The following DNM1L variants were observed in gnomAD, a reference collection of about 807,000 sequenced individuals.
DNM1L encodes the protein dynamin-1-like protein.
DNM1L carries 33 observed loss-of-function variants against 92.8 expected under a neutral mutation model. That is an observed-to-expected ratio of 0.36 (90% CI 0.27 to 0.48). The LOEUF (loss-of-function observed/expected upper bound fraction) is 0.48, where lower values mean the gene tolerates loss of function less well. Ranked by LOEUF, DNM1L falls within the 20% of genes least tolerant of loss-of-function variation. The pLI is 0.99. For missense variants in DNM1L, 485 were observed against 888.8 expected (o/e 0.55, Z 5.78); for synonymous variants, 284 against 305.0 (o/e 0.93, Z 0.72).
chr12:32,718,025 T>C (rs1592626681), intron 6 of DNM1L, among the ~76,000 whole-genome samples: 1 of 126,914 alleles, frequency 7.9e-6, no homozygotes, highest in South Asian at 2.3e-4. Context: ...ATATATATTA[T>C]AAATATATAC....
chr12:32,686,531 T>C (rs932208959), intron 1 of DNM1L, among the ~76,000 whole-genome samples: 2 of 152,248 alleles, frequency 1.3e-5, no homozygotes, highest in Admixed American at 6.5e-5. Context: ...CACATTGGTT[T>C]ATTCAATCAC....
At chr12:32,732,752 G>A (rs1954633189) in intron 12 of DNM1L, 1 of 341,294 alleles carries the variant, frequency 2.9e-6, no homozygotes. Context: ...GTGCTGTTCT[G>A]ATACCTGAGA....
At chr12:32,733,202 TATA>T (rs1429909870) in intron 12 of DNM1L, among the ~76,000 whole-genome samples, 1 of 152,252 alleles carries the variant, frequency 6.6e-6, no homozygotes, top group Non-Finnish European at 1.5e-5. Context: ...TTGAACTACA[TATA>T]ATATTTTAAC....
intron 16 of DNM1L, among the ~76,000 whole-genome samples, chr12:32,738,699 A>G (rs189747248): frequency 6.6e-6 from 1 of 152,248 alleles, no homozygotes; most frequent in East Asian, 1.9e-4. Flanking sequence ...ATATAGCTTC[A>G]CATATGCTTC....
chr12:32,703,122 C>T (rs1952781099), intron 2 of DNM1L, among the ~76,000 whole-genome samples: 1 of 150,946 alleles, frequency 6.6e-6, no homozygotes, highest in African/African-American at 2.4e-5. Context: ...TATCCTGTCT[C>T]TCAGAAACTA....
intron 6 of DNM1L, 58 bp downstream of exon 6, chr12:32,713,429 G>A: frequency 6.3e-7 from 1 of 1,577,670 alleles, no homozygotes; most frequent in Non-Finnish European, 8.7e-7. Flanking sequence ...ATCTACCCTT[G>A]AGAAAGGAAT....
intron 15 of DNM1L, 136 bp from the exon 16 acceptor site, chr12:32,738,128 C>A: frequency 8.8e-7 from 1 of 1,132,694 alleles, no homozygotes; most frequent in South Asian, 1.4e-5. Flanking sequence ...TGTTGACATG[C>A]TTTTGCTTGC....
chr12:32,704,698 G>T (rs1388075501), intron 2 of DNM1L, among the ~76,000 whole-genome samples: 1 of 152,106 alleles, frequency 6.6e-6, no homozygotes, highest in African/African-American at 2.4e-5. Context: ...TTACACATTA[G>T]AATTAAAGGA....
intron 1 of DNM1L, among the ~76,000 whole-genome samples, chr12:32,683,002 GGGAAA>G (rs1951865811): frequency 6.6e-6 from 1 of 152,084 alleles, no homozygotes. Context: ...GACTCAACTT[GGGAAA>G]TTTAATCCTA....
At chr12:32,710,479 C>T (rs934848945) in intron 4 of DNM1L, among the ~76,000 whole-genome samples, 1 of 151,936 alleles carries the variant, frequency 6.6e-6, no homozygotes, top group African/African-American at 2.4e-5. Flanking sequence ...ATTATCTGGA[C>T]ATGGTGGTGC....
chr12:32,713,310 T>G lies in DNM1L; in HGVS notation c.558T>G (p.Ala186=), dbSNP rs1420030195. ...NPNSIILAVT[A]ANTDMATSEA... ...ATTCCATTATCCTCGCTGTCACTGCTGCTAATACAGATATGGCAACATCAG... is the reference window on the plus strand; with the variant it reads ...ATTCCATTATCCTCGCTGTCACTGCGGCTAATACAGATATGGCAACATCAG... The change falls in exon 6 of 20, where the codon GCT becomes GCG. Residue 186 remains alanine (A), a synonymous_variant. Coordinates refer to ENST00000549701, the MANE Select transcript of DNM1L (RefSeq NM_012062.5). 14 of 1,613,964 alleles carry G rather than the reference T, an allele frequency of 8.7e-6. No individual in the cohort carries two copies. Among genetic ancestry groups the G allele is most frequent in the Non-Finnish European group, 1.2e-5 (14 of 1,179,954 alleles).
chr12:32,708,061 A>G (rs960802708), intron 3 of DNM1L, 92 bp from the exon 4 acceptor site: 1 of 684,720 alleles, frequency 1.5e-6, no homozygotes. Context: ...GCAAATACAT[A>G]GACATCCTTG....
chr12:32,685,147 C>A (rs567354970), intron 1 of DNM1L, among the ~76,000 whole-genome samples: 1 of 152,008 alleles, frequency 6.6e-6, no homozygotes, highest in African/African-American at 2.4e-5. Context: ...CCGTGTTAGC[C>A]AGGATGGTCT....
chr12:32,723,677 G>C (rs1013572797), intron 9 of DNM1L, among the ~76,000 whole-genome samples: 19 of 131,508 alleles, frequency 1.4e-4, no homozygotes, highest in African/African-American at 5.2e-4. Flanking sequence ...CTGGGCAACA[G>C]AGCAAGACTC....
At chr12:32,692,794 A>G (rs1021957670) in intron 1 of DNM1L, 3 of 152,242 alleles carry the variant, frequency 2.0e-5, no homozygotes, top group Non-Finnish European at 4.4e-5. Context: ...TAATAGGGAT[A>G]TATCAGGTGG....
At chr12:32,696,675 C>T (rs112838766) in intron 1 of DNM1L, among the ~76,000 whole-genome samples, 11 of 150,786 alleles carry the variant, frequency 7.3e-5, no homozygotes, top group East Asian at 2.0e-4. Flanking sequence ...TGTCCAATGG[C>T]GTGCAATGGC....
intron 6 of DNM1L, among the ~76,000 whole-genome samples, chr12:32,715,751 TA>T (rs1169981246): frequency 6.6e-6 from 1 of 152,052 alleles, no homozygotes; most frequent in Non-Finnish European, 1.5e-5. Context: ...AAAATGCTTG[TA>T]ACTGAAAAAT....
intron 9 of DNM1L, chr12:32,727,116 T>A: frequency 1.4e-6 from 1 of 740,052 alleles, no homozygotes; most frequent in Non-Finnish European, 2.5e-6. Context: ...CTTGGCCTTT[T>A]CTTTCAACTC....
intron 1 of DNM1L, among the ~76,000 whole-genome samples, chr12:32,682,269 A>G (rs535614711): frequency 1.3e-5 from 2 of 152,130 alleles, no homozygotes; most frequent in South Asian, 4.2e-4. Flanking sequence ...CATAGCTGGG[A>G]TTACAGGCAT....
Sources: gnomAD v4.1 joint callset for allele counts (sites outside exome capture counted in the v4.1 genomes callset) on GRCh38, gnomAD v4.1.1 for gene constraint, MANE v1.5 for transcripts, NCBI Gene and HGNC (gene_info 2026-07-23, HGNC 2026-07-21) for gene names.